The following WDR41 variants were observed in gnomAD, a reference collection of about 807,000 sequenced individuals.
WDR41 encodes WD repeat-containing protein 41.
A neutral mutation model predicts 69.3 loss-of-function variants in WDR41; 63 were observed. The observed-to-expected ratio is 0.91, with a 90% CI of 0.74 to 1.12. The LOEUF is 1.12. WDR41 is among the 50% of genes most tolerant of loss of function. The pLI, the probability that WDR41 is intolerant of heterozygous loss-of-function variation, is 0.00. For missense variants in WDR41, 543 were observed against 534.5 expected (o/e 1.02, Z -0.16); for synonymous variants, 185 against 192.1 (o/e 0.96, Z 0.31).
At chr5:77,503,256 A>G (rs941002990) in intron 1 of WDR41, among the ~76,000 whole-genome samples, 2 of 151,882 alleles carry the variant, frequency 1.3e-5, no homozygotes, top group African/African-American at 4.8e-5. Context: ...CTTTAAACCA[A>G]CAAAGATCAA....
At position 77,459,127 on chromosome 5, in the gene WDR41, A is replaced by G; in HGVS notation, c.349-3T>C. On this transcript the variant is annotated splice_region_variant and splice_polypyrimidine_tract_variant and intron_variant, in intron 4 of 12. Coordinates refer to ENST00000296679, the MANE Select transcript of WDR41 (RefSeq NM_018268.4). ...CTGGTAGTATCACCATCCCACACCT[A>G]AATTTATGTTAAGAAATAATTTCTA... 1 of 1,584,178 alleles carries G rather than the reference A, an allele frequency of 6.3e-7. No homozygotes were observed. The highest frequency in any genetic ancestry group is 8.6e-7 in the Non-Finnish European group (1 of 1,158,966).
intron 1 of WDR41, among the ~76,000 whole-genome samples, chr5:77,535,802 C>T (rs1357021420): frequency 6.6e-6 from 1 of 152,200 alleles, no homozygotes; most frequent in Non-Finnish European, 1.5e-5. Context: ...ATAAGCTCAA[C>T]AGCAGAAGTT....
At chr5:77,516,888 G>A (rs981269665) in intron 1 of WDR41, among the ~76,000 whole-genome samples, 3 of 151,858 alleles carry the variant, frequency 2.0e-5, no homozygotes, top group African/African-American at 4.8e-5. Context: ...GTGGTAGCAC[G>A]CACCTATAGT....
At chr5:77,442,808 C>T (rs572340302) in intron 8 of WDR41, among the ~76,000 whole-genome samples, 15 of 139,438 alleles carry the variant, frequency 1.1e-4, no homozygotes, top group Admixed American at 5.5e-4. Flanking sequence ...AGGAGAATGA[C>T]GTGAACCCGG....
At chr5:77,467,991 C>T (rs1230604635) in intron 2 of WDR41, among the ~76,000 whole-genome samples, 2 of 151,592 alleles carry the variant, frequency 1.3e-5, no homozygotes, top group Non-Finnish European at 2.9e-5. Flanking sequence ...GCCTGGACAA[C>T]AGAGCAAGAC....
At chr5:77,459,213 A>T (rs374353453) in intron 4 of WDR41, 89 bp from the exon 5 acceptor site, 23 of 944,552 alleles carry the variant, frequency 2.4e-5, no homozygotes, top group South Asian at 1.9e-4. Flanking sequence ...ACAAATGTTA[A>T]GCAGTTAGAA....
intron 1 of WDR41, among the ~76,000 whole-genome samples, chr5:77,527,754 AATGT>A (rs1191709422): frequency 2.6e-5 from 4 of 151,934 alleles, no homozygotes; most frequent in Non-Finnish European, 5.9e-5. Context: ...CTCTGACTAC[AATGT>A]ATCTAGGCTA....
intron 1 of WDR41, among the ~76,000 whole-genome samples, chr5:77,570,742 T>C (rs565619176): frequency 2.5e-4 from 38 of 151,810 alleles, no homozygotes; most frequent in Non-Finnish European, 4.9e-4. Flanking sequence ...AAATCATATA[T>C]TTCAAACATA....
At chr5:77,567,504 C>A (rs926788476) in intron 1 of WDR41, among the ~76,000 whole-genome samples, 1 of 151,882 alleles carries the variant, frequency 6.6e-6, no homozygotes, top group Non-Finnish European at 1.5e-5. Flanking sequence ...GTTACTTGAC[C>A]CATGTACATA....
At chr5:77,435,047 C>T (rs999993624) in intron 12 of WDR41, among the ~76,000 whole-genome samples, 2 of 152,152 alleles carry the variant, frequency 1.3e-5, no homozygotes, top group African/African-American at 2.4e-5. Context: ...TTCACAGGAA[C>T]CCAGCGCTCC....
intron 1 of WDR41, among the ~76,000 whole-genome samples, chr5:77,593,255 T>C (rs958745212): frequency 9.2e-5 from 14 of 151,986 alleles, no homozygotes; most frequent in African/African-American, 3.1e-4. Context: ...TTTGGAGAGT[T>C]TTCAGCAGAG....
intron 2 of WDR41, among the ~76,000 whole-genome samples, chr5:77,468,783 C>T (rs1231869368): frequency 2.0e-5 from 3 of 152,156 alleles, no homozygotes; most frequent in African/African-American, 7.2e-5. Context: ...CCTGCAAGTA[C>T]TTTCTAATGC....
chr5:77,495,608 G>C (rs550367823), upstream of WDR41, among the ~76,000 whole-genome samples: 13 of 152,052 alleles, frequency 8.5e-5, no homozygotes, highest in South Asian at 2.7e-3. Context: ...AGCAAGTAAA[G>C]AGATTGAAAC....
intron 1 of WDR41, among the ~76,000 whole-genome samples, chr5:77,615,500 A>AT (rs1201320446): frequency 1.3e-5 from 2 of 152,104 alleles, no homozygotes; most frequent in East Asian, 3.9e-4. Context: ...TCATTGTACT[A>AT]TTTTTTCTAC....
chr5:77,435,086 C>T (rs556165625), intron 12 of WDR41, among the ~76,000 whole-genome samples: 7 of 152,250 alleles, frequency 4.6e-5, no homozygotes, highest in East Asian at 3.9e-4. Context: ...CTTGCCACCA[C>T]GTAAATGCTA....
At chr5:77,473,697 C>G in intron 2 of WDR41, among the ~76,000 whole-genome samples, 1 of 152,116 alleles carries the variant, frequency 6.6e-6, no homozygotes, top group Non-Finnish European at 1.5e-5. Flanking sequence ...TGAGAAAATG[C>G]GCATCATCAC....
At chr5:77,520,514 G>A (rs77261989) in intron 1 of WDR41, among the ~76,000 whole-genome samples, 3 of 152,064 alleles carry the variant, frequency 2.0e-5, no homozygotes, top group Non-Finnish European at 2.9e-5. Context: ...ACCTGACACC[G>A]CATTGAACAA....
chr5:77,577,004 T>C (rs754890499), intron 1 of WDR41, among the ~76,000 whole-genome samples: 2 of 151,770 alleles, frequency 1.3e-5, no homozygotes, highest in African/African-American at 2.4e-5. Flanking sequence ...AAAGGAAGAG[T>C]TGACATTGGA....
At position 77,463,213 on chromosome 5, in the gene WDR41, A is replaced by T. The variant is rs751232069; in HGVS notation, c.230T>A (p.Leu77His). Residue 77 changes from leucine to histidine, a missense_variant, in exon 4 of 13, where the codon CTT becomes CAT. Leu to His is a moderately conservative substitution (Grantham distance 99, BLOSUM62 -3). Coordinates refer to ENST00000296679, the MANE Select transcript of WDR41 (RefSeq NM_018268.4). ...VVWNAQTGEKLLELNGHTQKI... is the reference protein window; with the variant it reads ...VVWNAQTGEKHLELNGHTQKI... The stretch of plus-strand genomic sequence containing the variant: ...TTGAGTGTGTCCATTCAGTTCTAAA[A>T]GTTTTTCCCCTGTCTGAAATACCAA... 1 of 1,608,268 alleles carries T rather than the reference A, an allele frequency of 6.2e-7. No individual in the cohort carries two copies. Among genetic ancestry groups the T allele is most frequent in the East Asian group, 2.2e-5 (1 of 44,578 alleles).
Sources: allele counts gnomAD v4.1 joint callset (sites outside exome capture counted in the v4.1 genomes callset), GRCh38; gene constraint gnomAD v4.1.1; transcripts MANE v1.5; gene names NCBI Gene and HGNC (gene_info 2026-07-23, HGNC 2026-07-21).